LRP1B: variants seen among roughly 807,000 people sequenced by gnomAD.
The protein encoded by LRP1B is LDL receptor related protein 1B.
Under a neutral mutation model 556.6 loss-of-function variants are expected in LRP1B, and 217 were observed. The ratio of observed to expected loss-of-function variants is 0.39; its 90% CI spans 0.35 to 0.44. The LOEUF (loss-of-function observed/expected upper bound fraction) is 0.44, where lower values mean the gene tolerates loss of function less well. LRP1B is among the 20% of genes least tolerant of loss of function. LRP1B has a pLI of 1.00. For missense variants in LRP1B, 5,053 were observed against 5,620.8 expected (o/e 0.90, Z 3.23); for synonymous variants, 2,047 against 1,865.8 (o/e 1.10, Z -2.50).
intron 2 of LRP1B, among the ~76,000 whole-genome samples, chr2:141,623,450 C>A (rs537684981): frequency 6.6e-6 from 1 of 152,158 alleles, no homozygotes; most frequent in Non-Finnish European, 1.5e-5. Context: ...ATAATTTACA[C>A]CTTTGTCTTT....
chr2:141,901,781 C>T (rs1387299187), intron 1 of LRP1B, among the ~76,000 whole-genome samples: 1 of 151,714 alleles, frequency 6.6e-6, no homozygotes, highest in Non-Finnish European at 1.5e-5. Context: ...GAAGTAGGCC[C>T]CACTTCTACA....
intron 66 of LRP1B, among the ~76,000 whole-genome samples, chr2:140,426,587 CT>C (rs1379574092): frequency 6.6e-6 from 1 of 152,214 alleles, no homozygotes; most frequent in Non-Finnish European, 1.5e-5. Flanking sequence ...AGCTTCCCTA[CT>C]GAGCACCTTG....
chr2:141,519,405 A>ATAT (rs1559118227), intron 2 of LRP1B, among the ~76,000 whole-genome samples: 497 of 25,606 alleles, frequency 0.019, 17 homozygotes, highest in South Asian at 0.035. Flanking sequence ...ATATATATGA[A>ATAT]ATGCAATATT....
intron 83 of LRP1B, among the ~76,000 whole-genome samples, chr2:140,301,374 A>G (rs963278171): frequency 6.6e-6 from 1 of 152,078 alleles, no homozygotes; most frequent in African/African-American, 2.4e-5. Flanking sequence ...TATCTTTCCA[A>G]AGGAAAGAAC....
chr2:140,264,042 T>C (rs1682072655), intron 86 of LRP1B, among the ~76,000 whole-genome samples: 1 of 152,102 alleles, frequency 6.6e-6, no homozygotes, highest in Non-Finnish European at 1.5e-5. Flanking sequence ...CATTTTGGTC[T>C]CTTCTCACGC....
intron 35 of LRP1B, among the ~76,000 whole-genome samples, chr2:140,744,074 A>G (rs955435872): frequency 2.6e-5 from 4 of 151,252 alleles, no homozygotes; most frequent in African/African-American, 9.7e-5. Flanking sequence ...ATCAAAGGGT[A>G]TAAACCCGCG....
At chr2:141,698,351 A>G (rs1691808049) in intron 2 of LRP1B, among the ~76,000 whole-genome samples, 1 of 151,874 alleles carries the variant, frequency 6.6e-6, no homozygotes, top group Admixed American at 6.6e-5. Flanking sequence ...AGTGCTGTAC[A>G]GGATGCTCAG....
intron 1 of LRP1B, among the ~76,000 whole-genome samples, chr2:142,081,438 G>C (rs1371976507): frequency 2.6e-5 from 4 of 151,926 alleles, no homozygotes; most frequent in African/African-American, 9.7e-5. Context: ...AGATTTTATA[G>C]CACACTTCGA....
At chr2:141,990,691 C>T (rs1369548730) in intron 1 of LRP1B, among the ~76,000 whole-genome samples, 1 of 151,898 alleles carries the variant, frequency 6.6e-6, no homozygotes, top group South Asian at 2.1e-4. Flanking sequence ...AATAAAAAAG[C>T]CATGATTTTT....
intron 1 of LRP1B, among the ~76,000 whole-genome samples, chr2:141,915,379 TCATACAAAAATTCAC>T (rs1428288668): frequency 6.6e-6 from 1 of 151,956 alleles, no homozygotes; most frequent in Non-Finnish European, 1.5e-5. Flanking sequence ...TACAAATGTG[TCATACAAAAATTCAC>T]CATACAAAAA....
chr2:141,068,458 C>T (rs1039046880), intron 7 of LRP1B, among the ~76,000 whole-genome samples: 1 of 148,610 alleles, frequency 6.7e-6, no homozygotes, highest in East Asian at 2.0e-4. Context: ...TTGCATAGTG[C>T]AAGAGAAAGC....
rs538799405 is a variant in LRP1B at position 140,776,192 on chromosome 2, G to T, written c.5406C>A (p.Thr1802=). The change falls in exon 33 of 91, where the codon ACC becomes ACA. Residue 1802 remains threonine (T), a synonymous_variant. Transcript: ENST00000389484. Reference sequence around the variant, plus strand: ...GGTTTCTTCCGTCTCTTTTGCTGCAGGTTCCTAGCTGGGCTAAGTTTTGGT... The same window carrying T: ...GGTTTCTTCCGTCTCTTTTGCTGCATGTTCCTAGCTGGGCTAAGTTTTGGT... The part of the protein sequence containing the change: ...WADQNLAQLG[T]CSKRDGRNPT... 6.2e-7 allele frequency: 1 copy of T among 1,602,126 alleles called. No individual in the cohort carries two copies. Among genetic ancestry groups the T allele is most frequent in the Non-Finnish European group, 8.5e-7 (1 of 1,174,752 alleles).
chr2:140,683,923 C>T (rs973252202), intron 41 of LRP1B: 19 of 458,126 alleles, frequency 4.1e-5, no homozygotes, highest in East Asian at 7.9e-5. Flanking sequence ...GGCTTGCCCC[C>T]CTGGATGTTG....
In LRP1B at chr2:140,733,757, C is replaced by T. The variant is rs140359396; in HGVS notation, c.5759-16941G>A. Reference sequence around the variant, plus strand: ...ACTTTCTAAAGTGATAGAAATAGTCCATTTATTGTTATTTACTCATCAAAA... The same window carrying T: ...ACTTTCTAAAGTGATAGAAATAGTCTATTTATTGTTATTTACTCATCAAAA... On this transcript the variant is annotated intron_variant, in intron 35 of 90. Coordinates refer to ENST00000389484, the MANE Select transcript of LRP1B (RefSeq NM_018557.3). Among the ~76,000 whole-genome samples the T allele has an allele frequency of 4.1e-3, 620 of 152,200 alleles. 5 individuals are homozygous for T. The highest frequency in any genetic ancestry group is 0.024 in the Middle Eastern group (7 of 292).
intron 41 of LRP1B, among the ~76,000 whole-genome samples, chr2:140,642,186 T>C (rs1684319927): frequency 6.6e-6 from 1 of 152,196 alleles, no homozygotes. Context: ...AAATTGCCAG[T>C]GCCAAATTGC....
intron 3 of LRP1B, among the ~76,000 whole-genome samples, chr2:141,269,894 T>C (rs1030672605): frequency 6.6e-6 from 1 of 151,950 alleles, no homozygotes; most frequent in Non-Finnish European, 1.5e-5. Context: ...GAAAACATGC[T>C]TAAATAAGTA....
At chr2:140,605,815 T>C (rs181123916) in intron 41 of LRP1B, among the ~76,000 whole-genome samples, 78 of 152,164 alleles carry the variant, frequency 5.1e-4, no homozygotes, top group Admixed American at 2.0e-3. Flanking sequence ...TAACCTTTCA[T>C]TATAAAAATA....
chr2:141,373,692 C>G (rs1689322997), intron 3 of LRP1B, among the ~76,000 whole-genome samples: 1 of 151,736 alleles, frequency 6.6e-6, no homozygotes, highest in African/African-American at 2.4e-5. Context: ...TGTGGAAGAT[C>G]CTTTTCTTTA....
At chr2:141,662,857 CA>C (rs1690274970) in intron 2 of LRP1B, among the ~76,000 whole-genome samples, 1 of 151,866 alleles carries the variant, frequency 6.6e-6, no homozygotes, top group Admixed American at 6.6e-5. Context: ...CTCTTCACCC[CA>C]AAACAACAGA....
Sources: allele counts gnomAD v4.1 joint callset (sites outside exome capture counted in the v4.1 genomes callset), GRCh38; gene constraint gnomAD v4.1.1; transcripts MANE v1.5; gene names NCBI Gene and HGNC (gene_info 2026-07-23, HGNC 2026-07-21).